Variants in ST6GALNAC3 observed in about 807,000 individuals in gnomAD.
ST6GALNAC3 encodes the protein alpha-N-acetylgalactosaminide alpha-2,6-sialyltransferase 3.
A neutral mutation model predicts 32.7 loss-of-function variants in ST6GALNAC3; 25 were observed. The observed-to-expected ratio is 0.76, with a 90% confidence interval of 0.56 to 1.07. The LOEUF (loss-of-function observed/expected upper bound fraction) is 1.07, where lower values mean the gene tolerates loss of function less well. ST6GALNAC3 is among the 50% of genes least tolerant of loss of function. The pLI is 0.00. For missense variants in ST6GALNAC3, 355 were observed against 382.4 expected, an observed-to-expected ratio of 0.93 and a Z score of 0.60; for synonymous variants, 129 against 133.1, an observed-to-expected ratio of 0.97 and a Z score of 0.21.
chr1:76,618,194 A>C (rs1648417378), intron 3 of ST6GALNAC3, among the ~76,000 whole-genome samples: 1 of 152,220 alleles, frequency 6.6e-6, no homozygotes, highest in Non-Finnish European at 1.5e-5. Context: ...GCCTGGGAAG[A>C]AGTGATATGT....
chr1:76,207,674 C>A (rs987318532), intron 1 of ST6GALNAC3, among the ~76,000 whole-genome samples: 2 of 152,194 alleles, frequency 1.3e-5, no homozygotes, highest in African/African-American at 4.8e-5. Flanking sequence ...ATGAGTTAAT[C>A]ACCTCTTAAA....
intron 1 of ST6GALNAC3, among the ~76,000 whole-genome samples, chr1:76,163,677 G>A (rs1651945889): frequency 6.6e-6 from 1 of 151,922 alleles, no homozygotes; most frequent in Admixed American, 6.6e-5. Context: ...TAAAATAATG[G>A]TGTGTCTTAA....
At chr1:76,294,832 C>T (rs956829318) in intron 1 of ST6GALNAC3, among the ~76,000 whole-genome samples, 2 of 152,060 alleles carry the variant, frequency 1.3e-5, no homozygotes, top group African/African-American at 4.8e-5. Flanking sequence ...GTCCATCACT[C>T]TAAGAAAGCA....
At chr1:76,274,928 T>G (rs1253116872) in intron 1 of ST6GALNAC3, among the ~76,000 whole-genome samples, 1 of 152,138 alleles carries the variant, frequency 6.6e-6, no homozygotes, top group African/African-American at 2.4e-5. Context: ...TCACTAGAAG[T>G]TGGAAAAATG....
At chr1:76,360,680 G>C (rs1027807442) in intron 2 of ST6GALNAC3, among the ~76,000 whole-genome samples, 1 of 152,126 alleles carries the variant, frequency 6.6e-6, no homozygotes, top group African/African-American at 2.4e-5. Flanking sequence ...GCATTAATTT[G>C]ATTGCATGCT....
intron 1 of ST6GALNAC3, among the ~76,000 whole-genome samples, chr1:76,098,320 C>T (rs1456698224): frequency 6.6e-6 from 1 of 152,118 alleles, no homozygotes; most frequent in Admixed American, 6.5e-5. Flanking sequence ...TTTTTCTTCC[C>T]TATTCTAAAT....
At chr1:76,474,668 C>T (rs771340369) in intron 3 of ST6GALNAC3, among the ~76,000 whole-genome samples, 4 of 152,102 alleles carry the variant, frequency 2.6e-5, no homozygotes, top group Non-Finnish European at 5.9e-5. Flanking sequence ...AAGATGCAGT[C>T]AGCTCTACTT....
At chr1:76,396,580 C>A (rs536250214) in intron 2 of ST6GALNAC3, among the ~76,000 whole-genome samples, 6 of 152,310 alleles carry the variant, frequency 3.9e-5, no homozygotes, top group Non-Finnish European at 8.8e-5. Context: ...ATTGGAGCAC[C>A]TTTCTATTTA....
rs147353377 is a variant in ST6GALNAC3, at chr1:76,225,040, C to T, written c.19-88765C>T. Among the ~76,000 whole-genome samples, 9 of 152,142 alleles carry T rather than the reference C, an allele frequency of 5.9e-5. No individual in the cohort carries two copies. The East Asian group carries it at 1.7e-3, about 29-fold the overall frequency. The stretch of plus-strand genomic sequence containing the variant: ...TGGATTGGGAACACGAATTGAGCAG[C>T]AGCCAATGCAGTGACACTTGTAATA... On this transcript the variant is annotated intron_variant, in intron 1 of 4. Coordinates refer to ENST00000328299, the MANE Select transcript of ST6GALNAC3 (RefSeq NM_152996.4).
chr1:76,544,735 G>A (rs1189342406), intron 3 of ST6GALNAC3, among the ~76,000 whole-genome samples: 1 of 152,146 alleles, frequency 6.6e-6, no homozygotes, highest in African/African-American at 2.4e-5. Context: ...ATTAGAGGAG[G>A]ATTCTGACGC....
At chr1:76,321,809 A>G (rs1019064681) in intron 2 of ST6GALNAC3, among the ~76,000 whole-genome samples, 7 of 152,204 alleles carry the variant, frequency 4.6e-5, no homozygotes, top group African/African-American at 1.2e-4. Context: ...AAGACTGACT[A>G]CTACCTGAAT....
chr1:76,290,567 T>A (rs1037853967), intron 1 of ST6GALNAC3, among the ~76,000 whole-genome samples: 17 of 152,180 alleles, frequency 1.1e-4, no homozygotes, highest in Non-Finnish European at 2.5e-4. Context: ...GAGGCAGATA[T>A]TATCTTTACA....
In ST6GALNAC3 at chr1:76,559,629, T is replaced by C. The variant is rs556367897; in HGVS notation, c.624-67823T>C. Among the ~76,000 whole-genome samples the C allele has an allele frequency of 3.2e-4, 49 of 152,272 alleles. No homozygotes were observed. In the South Asian group the frequency reaches 9.5e-3, roughly 30 times the overall value. The stretch of plus-strand genomic sequence containing the variant: ...GTGGAGTAGGAGTCTCCACTGATCA[T>C]CCCTCACACAAGGAGATTAATTTAA... On this transcript the variant is annotated intron_variant, in intron 3 of 4. Coordinates refer to ENST00000328299, the MANE Select transcript of ST6GALNAC3 (RefSeq NM_152996.4).
intron 1 of ST6GALNAC3, among the ~76,000 whole-genome samples, chr1:76,197,295 T>C (rs1224636981): frequency 1.3e-5 from 2 of 152,216 alleles, no homozygotes; most frequent in African/African-American, 2.4e-5. Flanking sequence ...TTAACAAATA[T>C]GTGTGTGCCA....
intron 3 of ST6GALNAC3, among the ~76,000 whole-genome samples, chr1:76,496,788 C>A (rs148155413): frequency 1.2e-4 from 18 of 152,166 alleles, no homozygotes; most frequent in African/African-American, 4.3e-4. Flanking sequence ...CTTAGGAGGC[C>A]CATCAAACAA....
chr1:76,632,004 T>C lies in ST6GALNAC3; in HGVS notation c.*3198T>C, dbSNP rs936987496. Reference sequence around the variant, plus strand: ...ATCAAACCTATCAAAGAAAAGGCAATTGGAATTTGGAGGAATGTTTGTATA... The same window carrying C: ...ATCAAACCTATCAAAGAAAAGGCAACTGGAATTTGGAGGAATGTTTGTATA... On this transcript the variant is annotated 3_prime_UTR_variant, in exon 5 of 5. Transcript: ENST00000328299. 2.6e-5 allele frequency: 4 copies of C among 152,042 alleles called. No individual in the cohort carries two copies. The highest frequency in any genetic ancestry group is 7.2e-5 in the African/African-American group (3 of 41,418). The allele number at this position is 152,042 out of a possible 1,614,324, so 9.4% of individuals were successfully genotyped here. A position where few individuals can be genotyped will look rare whatever the true frequency, so the allele number is the denominator to read the frequency against.
At chr1:76,091,854 C>T (rs1443080567) in intron 1 of ST6GALNAC3, among the ~76,000 whole-genome samples, 4 of 152,176 alleles carry the variant, frequency 2.6e-5, no homozygotes, top group South Asian at 2.1e-4. Context: ...ACTACACTTA[C>T]GGATGTGGTT....
intron 3 of ST6GALNAC3, among the ~76,000 whole-genome samples, chr1:76,578,880 A>G (rs191313608): frequency 7.2e-5 from 11 of 152,150 alleles, no homozygotes; most frequent in Non-Finnish European, 1.2e-4. Context: ...TATAAATAAG[A>G]CGCATCTGAG....
chr1:76,636,251 C>T (rs1002014255), downstream of ST6GALNAC3, among the ~76,000 whole-genome samples: 2 of 152,120 alleles, frequency 1.3e-5, no homozygotes, highest in Non-Finnish European at 2.9e-5. Context: ...CTGAACTCTA[C>T]CCACAATAGA....
Sources: allele counts gnomAD v4.1 joint callset (sites outside exome capture counted in the v4.1 genomes callset), GRCh38; gene constraint gnomAD v4.1.1; transcripts MANE v1.5; gene names NCBI Gene and HGNC (gene_info 2026-07-23, HGNC 2026-07-21).